The following DFFB variants were observed in gnomAD, a reference collection of about 807,000 sequenced individuals.
The protein encoded by DFFB is DNA fragmentation factor subunit beta.
A neutral mutation model predicts 32.7 loss-of-function variants in DFFB; 29 were observed. The observed-to-expected ratio is 0.89, with a 90% CI of 0.66 to 1.21. The LOEUF is 1.21. Among genes scored for constraint, DFFB ranks in the 50% most tolerant of loss-of-function variants. The pLI is 0.00. For synonymous variants in DFFB, 170 were observed against 177.1 expected, an observed-to-expected ratio of 0.96 and a Z score of 0.32; for missense variants, 398 against 440.6, an observed-to-expected ratio of 0.90 and a Z score of 0.87.
chr1:3,860,420 G>C (rs961863916), intron 2 of DFFB: 79 of 441,620 alleles, frequency 1.8e-4, no homozygotes, highest in African/African-American at 4.4e-4. Context: ...GTAGAGATAG[G>C]GTTTCGCCAT....
At chr1:3,867,341 T>G (rs1202992346) in intron 3 of DFFB, among the ~76,000 whole-genome samples, 3 of 152,260 alleles carry the variant, frequency 2.0e-5, no homozygotes, top group African/African-American at 7.2e-5. Flanking sequence ...CTCCGCTGCG[T>G]GTAGATACCA....
intron 2 of DFFB, chr1:3,860,381 C>T (rs1233039159): frequency 5.1e-6 from 2 of 393,748 alleles, no homozygotes; most frequent in African/African-American, 4.1e-5. Flanking sequence ...CATGCATTAC[C>T]ACGTCTGGCT....
intron 6 of DFFB, among the ~76,000 whole-genome samples, chr1:3,877,585 C>T (rs1054184481): frequency 4.6e-5 from 7 of 152,212 alleles, no homozygotes; most frequent in African/African-American, 1.7e-4. Context: ...CCGCCTCAGC[C>T]TCCCAAAGTG....
chr1:3,882,390 G>C (rs1033692457), intron 6 of DFFB, among the ~76,000 whole-genome samples: 1 of 151,406 alleles, frequency 6.6e-6, no homozygotes, highest in Non-Finnish European at 1.5e-5. Flanking sequence ...TTTTCAGACA[G>C]AATCTCACTC....
chr1:3,866,883 G>A (rs186337128), intron 3 of DFFB, among the ~76,000 whole-genome samples: 72 of 152,212 alleles, frequency 4.7e-4, no homozygotes, highest in African/African-American at 1.4e-3. Flanking sequence ...CATCCATATC[G>A]TAGCGTATAT....
rs112900274 is a variant in DFFB, at chr1:3,875,273, T to G, written c.782+2701T>G. Among the ~76,000 whole-genome samples the G allele has an allele frequency of 8.0e-3, 1,219 of 152,364 alleles. 12 individuals are homozygous for G. The highest frequency in any genetic ancestry group is 0.027 in the African/African-American group (1,134 of 41,588). The stretch of plus-strand genomic sequence containing the variant: ...TCCGTGCTATTTAAAGTGTGGTTAC[T>G]TTCAAGCATTAGCAACATCTGGGAG... On this transcript the variant is annotated intron_variant, in intron 6 of 6. Transcript: ENST00000378209.
At chr1:3,882,169 C>T (rs1645352489) in intron 6 of DFFB, among the ~76,000 whole-genome samples, 1 of 152,104 alleles carries the variant, frequency 6.6e-6, no homozygotes, top group Non-Finnish European at 1.5e-5. Flanking sequence ...CGTGCCTCAG[C>T]CTCCTGAGTA....
intron 5 of DFFB, among the ~76,000 whole-genome samples, chr1:3,871,759 T>G (rs1302119956): frequency 1.3e-5 from 2 of 152,206 alleles, no homozygotes; most frequent in Non-Finnish European, 2.9e-5. Context: ...GCAATTGGCT[T>G]ACGGTTCAGC....
chr1:3,870,121 G>T (rs971110480), intron 5 of DFFB, among the ~76,000 whole-genome samples: 7 of 152,244 alleles, frequency 4.6e-5, no homozygotes, highest in Non-Finnish European at 1.0e-4. Flanking sequence ...AGTTCTGGAG[G>T]CTGGAAGCTG....
chr1:3,867,903 T>C (rs1249802776), intron 3 of DFFB, 71 bp from the exon 4 acceptor site: 1 of 1,395,630 alleles, frequency 7.2e-7, no homozygotes, highest in African/African-American at 1.4e-5. Flanking sequence ...GCACCTGGGC[T>C]GGGCAGGACA....
At position 3,869,732 on chromosome 1, in the gene DFFB, G is replaced by A; in HGVS notation, c.638G>A (p.Gly213Asp). The change falls in exon 5 of 7, where the codon GGC (glycine) becomes GAC (aspartate). Residue 213 changes from glycine to aspartate, a missense_variant. Transcript: ENST00000378209. Reference sequence around the variant, plus strand: ...AGCTACTTCGACAGAGGAGCCAAGGGCGGCAGCCGCCTCTGCACACCGGAA... The same window carrying A: ...AGCTACTTCGACAGAGGAGCCAAGGACGGCAGCCGCCTCTGCACACCGGAA... ...NGSYFDRGAK[G>D]GSRLCTPEGW... 1 of 1,610,376 alleles carries A rather than the reference G, an allele frequency of 6.2e-7. No individual in the cohort carries two copies. The highest frequency in any genetic ancestry group is 8.5e-7 in the Non-Finnish European group (1 of 1,178,136).
chr1:3,869,341 G>A (rs1024247981), intron 4 of DFFB, among the ~76,000 whole-genome samples: 3 of 152,178 alleles, frequency 2.0e-5, no homozygotes, highest in African/African-American at 7.2e-5. Flanking sequence ...GATTACAGAC[G>A]TGAGCCACCA....
At chr1:3,861,582 C>T (rs1644881809) in intron 2 of DFFB, among the ~76,000 whole-genome samples, 2 of 152,152 alleles carry the variant, frequency 1.3e-5, no homozygotes, top group Admixed American at 1.3e-4. Context: ...GGTGCACCAC[C>T]ATGCCTGGCT....
intron 1 of DFFB, 90 bp downstream of exon 1, chr1:3,857,807 G>A: frequency 1.0e-6 from 1 of 970,838 alleles, no homozygotes; most frequent in Non-Finnish European, 1.4e-6. Context: ...AACGGAGGGT[G>A]CAGGCGGCGC....
intron 6 of DFFB, among the ~76,000 whole-genome samples, chr1:3,881,888 A>G (rs918712857): frequency 6.7e-6 from 1 of 149,336 alleles, no homozygotes; most frequent in South Asian, 2.1e-4. Context: ...AAAAAAGGCG[A>G]CTTTTGCTCA....
chr1:3,872,470 A>C lies in DFFB; in HGVS notation c.682-2A>C. 3.1e-6 allele frequency: 5 copies of C among 1,612,380 alleles called. No homozygotes were observed. The highest frequency in any genetic ancestry group is 4.2e-6 in the Non-Finnish European group (5 of 1,178,886). On this transcript the variant is annotated splice_acceptor_variant, in intron 5 of 6. Coordinates refer to ENST00000378209, the MANE Select transcript of DFFB (RefSeq NM_004402.4). LOFTEE classifies it high-confidence loss of function. ...CTTCCCTCATTGTCTTTTGGCCCCC[A>C]GGGTCCCTTTGACATGGACAGCTGC...
Position 3,883,825 on chromosome 1 carries a change from T to C in DFFB, c.*84T>C. ...GGTGCCTTTTTTGTTTTTTTGTTTT[T>C]CGTTTTTTTGGTCACTCCAGTAGCT... On this transcript the variant is annotated 3_prime_UTR_variant, in exon 7 of 7. Coordinates refer to ENST00000378209, the MANE Select transcript of DFFB (RefSeq NM_004402.4). 7.7e-7 allele frequency: 1 copy of C among 1,291,130 alleles called. No homozygotes were observed. Among genetic ancestry groups the C allele is most frequent in the Non-Finnish European group, 1.1e-6 (1 of 918,352 alleles). 80.0% of individuals were successfully genotyped at this position (1,291,130 alleles called of 1,614,324 possible). A position where few individuals can be genotyped will look rare whatever the true frequency, so the allele number is the denominator to read the frequency against.
intron 2 of DFFB, among the ~76,000 whole-genome samples, chr1:3,859,796 C>T (rs1395277414): frequency 6.6e-6 from 1 of 152,128 alleles, no homozygotes; most frequent in Non-Finnish European, 1.5e-5. Context: ...CTGGGGTGGC[C>T]CCTGCAGGAG....
chr1:3,861,503 A>G (rs1019162408), intron 2 of DFFB, among the ~76,000 whole-genome samples: 1 of 151,904 alleles, frequency 6.6e-6, no homozygotes, highest in Non-Finnish European at 1.5e-5. Context: ...ATCATAGCTC[A>G]CTCTAGCTTT....
Sources: gnomAD v4.1 joint callset for allele counts (sites outside exome capture counted in the v4.1 genomes callset) on GRCh38, gnomAD v4.1.1 for gene constraint, MANE v1.5 for transcripts, NCBI Gene and HGNC (gene_info 2026-07-23, HGNC 2026-07-21) for gene names.